AGPAT4: variants seen among roughly 807,000 people sequenced by gnomAD.
AGPAT4 encodes 1-acylglycerol-3-phosphate O-acyltransferase 4.
In AGPAT4, 15 loss-of-function variants were observed where a neutral mutation model predicts 48.0. The observed-to-expected ratio is 0.31, with a 90% CI of 0.21 to 0.48. AGPAT4 has a LOEUF of 0.48. Ranked by LOEUF, AGPAT4 falls within the 20% of genes least tolerant of loss-of-function variation. AGPAT4 has a pLI of 0.99. For synonymous variants in AGPAT4, 178 were observed against 198.7 expected, an observed-to-expected ratio of 0.90 and a Z score of 0.88; for missense variants, 314 against 482.5, an observed-to-expected ratio of 0.65 and a Z score of 3.27.
intron 2 of AGPAT4, among the ~76,000 whole-genome samples, chr6:161,209,728 G>C (rs1266922488): frequency 6.6e-6 from 1 of 152,176 alleles, no homozygotes; most frequent in African/African-American, 2.4e-5. Context: ...TGTCTGTCCA[G>C]CTTTCGGAAC....
chr6:161,247,512 T>C (rs531480706), intron 1 of AGPAT4, among the ~76,000 whole-genome samples: 135 of 152,302 alleles, frequency 8.9e-4, no homozygotes, highest in African/African-American at 2.8e-3. Flanking sequence ...AACTCCTTCA[T>C]GTTAAAAACT....
At position 161,146,803 on chromosome 6, in the gene AGPAT4, A is replaced by C. The variant is rs1470294228; in HGVS notation, c.768-204T>G. Among the ~76,000 whole-genome samples the C allele has an allele frequency of 1.3e-5, 2 of 152,192 alleles. No individual in the cohort carries two copies. Among genetic ancestry groups the C allele is most frequent in the Non-Finnish European group, 2.9e-5 (2 of 68,028 alleles). On this transcript the variant is annotated intron_variant, in intron 6 of 8. Coordinates refer to ENST00000320285, the MANE Select transcript of AGPAT4 (RefSeq NM_020133.3). This position sits in a 1 kb window ranked among gnomAD's most constrained non-coding sequence, Gnocchi z 7.1. Reference sequence around the variant, plus strand: ...GCAAAAATGCAATTATGACCCACGAAGGAACAACCCAGGGGCCAATTCAAT... The same window carrying C: ...GCAAAAATGCAATTATGACCCACGACGGAACAACCCAGGGGCCAATTCAAT...
chr6:161,262,812 A>G lies in AGPAT4; in HGVS notation c.-90+11126T>C, dbSNP rs1339560166. Among the ~76,000 whole-genome samples, 1 of 152,164 alleles carries G rather than the reference A, an allele frequency of 6.6e-6. No homozygotes were observed. Among genetic ancestry groups the G allele is most frequent in the African/African-American group, 2.4e-5 (1 of 41,424 alleles). On this transcript the variant is annotated intron_variant, in intron 1 of 8. Transcript: ENST00000320285. This position sits in a 1 kb window ranked among gnomAD's most constrained non-coding sequence, Gnocchi z 4.9. ...TTGAGTTCAAAAGATAACTCCAGTG[A>G]AAAAAACCTCTAGGAGAACATGAGG...
At chr6:161,199,652 G>C (rs1472235740) in intron 2 of AGPAT4, among the ~76,000 whole-genome samples, 1 of 152,132 alleles carries the variant, frequency 6.6e-6, no homozygotes, top group Non-Finnish European at 1.5e-5. Flanking sequence ...CTGGACCATG[G>C]GGTGGATTTC....
At chr6:161,150,270 C>T (rs897315392) in intron 5 of AGPAT4, among the ~76,000 whole-genome samples, 1 of 152,132 alleles carries the variant, frequency 6.6e-6, no homozygotes, top group Non-Finnish European at 1.5e-5. Flanking sequence ...GGAACCCCAG[C>T]GGCTGCCACC....
At chr6:161,162,387 C>T (rs1779961964) in intron 3 of AGPAT4, among the ~76,000 whole-genome samples, 1 of 152,370 alleles carries the variant, frequency 6.6e-6, no homozygotes, top group African/African-American at 2.4e-5. Flanking sequence ...ATGGCTCCTG[C>T]CCCGGGCGCC....
At chr6:161,151,158 G>GA (rs1779583046) in intron 5 of AGPAT4, among the ~76,000 whole-genome samples, 1 of 152,230 alleles carries the variant, frequency 6.6e-6, no homozygotes, top group Non-Finnish European at 1.5e-5. Flanking sequence ...CGCCAGCCAG[G>GA]AGCAAATCCC....
intron 1 of AGPAT4, among the ~76,000 whole-genome samples, chr6:161,239,152 G>A (rs1174472571): frequency 1.3e-5 from 2 of 152,176 alleles, no homozygotes; most frequent in African/African-American, 2.4e-5. Flanking sequence ...CCAGCACAGC[G>A]TTTGGTCGAT....
At position 161,143,953 on chromosome 6, in the gene AGPAT4, A is replaced by G; in HGVS notation, c.843+2571T>C. ...ACTACTGCCCTAAAATCCCAAGGTC[A>G]AAATCAACAGAACTGTCTTTTGACA... On this transcript the variant is annotated intron_variant, in intron 7 of 8. Transcript: ENST00000320285. This position sits in a 1 kb window ranked among gnomAD's most constrained non-coding sequence, Gnocchi z 4.7. 3.3e-6 allele frequency: 1 copy of G among 307,550 alleles called. No individual in the cohort carries two copies. The highest frequency in any genetic ancestry group is 9.4e-5 in the East Asian group (1 of 10,620). 19.1% of individuals were successfully genotyped at this position (307,550 alleles called of 1,614,324 possible).
At chr6:161,241,870 C>T (rs755684965) in intron 1 of AGPAT4, among the ~76,000 whole-genome samples, 9 of 152,110 alleles carry the variant, frequency 5.9e-5, no homozygotes, top group African/African-American at 1.2e-4. Context: ...GTAGCTGGGA[C>T]TACAGGCATG....
chr6:161,262,381 T>G lies in AGPAT4; in HGVS notation c.-90+11557A>C, dbSNP rs1318795868. ...AGCCATGGTGGCCAGCTGCCGCGTC[T>G]GTCCCTGCCACACAGGGGCTACTTC... On this transcript the variant is annotated intron_variant, in intron 1 of 8. Coordinates refer to ENST00000320285, the MANE Select transcript of AGPAT4 (RefSeq NM_020133.3). The surrounding 1 kb of genome is among the most constrained non-coding windows in gnomAD (Gnocchi z 4.9). Among the ~76,000 whole-genome samples, 1 of 152,224 alleles carries G rather than the reference T, an allele frequency of 6.6e-6. No homozygotes were observed. The highest frequency in any genetic ancestry group is 1.5e-5 in the Non-Finnish European group (1 of 68,042).
At position 161,178,630 on chromosome 6, in the gene AGPAT4, C is replaced by G. The variant is rs985543281; in HGVS notation, c.179-12213G>C. 3.3e-5 allele frequency among the ~76,000 whole-genome samples: 5 copies of G among 152,184 alleles called. No homozygotes were observed. Among genetic ancestry groups the G allele is most frequent in the African/African-American group, 1.2e-4 (5 of 41,456 alleles). Reference sequence around the variant, plus strand: ...TCAGCTCACACTCGCGTGGGCTGCACCCACTGTCCGACAAGCCCCAGTGAG... The same window carrying G: ...TCAGCTCACACTCGCGTGGGCTGCAGCCACTGTCCGACAAGCCCCAGTGAG... On this transcript the variant is annotated intron_variant, in intron 2 of 8. Transcript: ENST00000320285. This position sits in a 1 kb window ranked among gnomAD's most constrained non-coding sequence, Gnocchi z 5.1.
intron 3 of AGPAT4, among the ~76,000 whole-genome samples, chr6:161,156,177 G>A (rs929937910): frequency 6.6e-6 from 1 of 152,172 alleles, no homozygotes; most frequent in Admixed American, 6.5e-5. Context: ...ATATCCCACG[G>A]TAGACATGTC....
At chr6:161,207,608 T>C (rs528838081) in intron 2 of AGPAT4, among the ~76,000 whole-genome samples, 1 of 152,268 alleles carries the variant, frequency 6.6e-6, no homozygotes, top group African/African-American at 2.4e-5. Context: ...TTCCAGTGAA[T>C]GGGGACCTGC....
rs1780029028 is a variant in AGPAT4, at chr6:161,164,284, T to G, written c.348+1964A>C. On this transcript the variant is annotated intron_variant, in intron 3 of 8. Coordinates refer to ENST00000320285, the MANE Select transcript of AGPAT4 (RefSeq NM_020133.3). This position sits in a 1 kb window ranked among gnomAD's most constrained non-coding sequence, Gnocchi z 7.4. ...TGTGGGGCTCACCTTCTCCCTCATC[T>G]GTGCCTGTCCCCGTGCCTGCTAGTG... Among the ~76,000 whole-genome samples the G allele has an allele frequency of 6.6e-6, 1 of 152,244 alleles. No homozygotes were observed. The highest frequency in any genetic ancestry group is 2.1e-4 in the South Asian group (1 of 4,836).
At chr6:161,193,217 G>T (rs1780972325) in intron 2 of AGPAT4, among the ~76,000 whole-genome samples, 1 of 152,136 alleles carries the variant, frequency 6.6e-6, no homozygotes, top group Non-Finnish European at 1.5e-5. Flanking sequence ...CTGCATTCTG[G>T]ATATTTCCTT....
At chr6:161,257,786 A>G (rs1285658718) in intron 1 of AGPAT4, among the ~76,000 whole-genome samples, 1 of 152,224 alleles carries the variant, frequency 6.6e-6, no homozygotes, top group East Asian at 1.9e-4. Context: ...CTTCTATTTC[A>G]TATGGAAGTG....
chr6:161,244,630 A>G lies in AGPAT4; in HGVS notation c.-89-12328T>C, dbSNP rs1582904932. 6.6e-6 allele frequency among the ~76,000 whole-genome samples: 1 copy of G among 152,204 alleles called. No homozygotes were observed. The highest frequency in any genetic ancestry group is 1.9e-4 in the East Asian group (1 of 5,192). On this transcript the variant is annotated intron_variant, in intron 1 of 8. Transcript: ENST00000320285. This position sits in a 1 kb window ranked among gnomAD's most constrained non-coding sequence, Gnocchi z 4.7. ...TGAGCAGACAGGCCAGGAAACCATG[A>G]GGATAATAATACTGAACCACCAAAC...
At position 161,267,404 on chromosome 6, in the gene AGPAT4, G is replaced by A. The variant is rs140174645; in HGVS notation, c.-90+6534C>T. ...GCAGAGGTCTACACGGTAGAGATTT[G>A]TTCATTATTTGAAAAATATTAGCTG... On this transcript the variant is annotated intron_variant, in intron 1 of 8. Coordinates refer to ENST00000320285, the MANE Select transcript of AGPAT4 (RefSeq NM_020133.3). This position sits in a 1 kb window ranked among gnomAD's most constrained non-coding sequence, Gnocchi z 5.2. 3.5e-3 allele frequency among the ~76,000 whole-genome samples: 533 copies of A among 152,242 alleles called. 3 individuals are homozygous for A. The highest frequency in any genetic ancestry group is 0.012 in the African/African-American group (493 of 41,560).
Sources: allele counts gnomAD v4.1 joint callset (sites outside exome capture counted in the v4.1 genomes callset), GRCh38; gene constraint gnomAD v4.1.1; non-coding constraint Gnocchi (gnomAD v3.1); transcripts MANE v1.5; gene names NCBI Gene and HGNC (gene_info 2026-07-23, HGNC 2026-07-21).